The following RAG1 variants were observed in gnomAD, a reference collection of about 807,000 sequenced individuals.
RAG1 encodes recombination activating 1, also known as V(D)J recombination-activating protein 1.
A neutral mutation model predicts 62.7 loss-of-function variants in RAG1; 35 were observed. The ratio of observed to expected loss-of-function variants is 0.56; its 90% CI spans 0.43 to 0.74. The LOEUF is 0.74. Among genes scored for constraint, RAG1 ranks in the 30% least tolerant of loss-of-function variants. RAG1 has a pLI of 0.00. For synonymous variants in RAG1, 461 were observed against 470.3 expected (o/e 0.98, Z 0.26); for missense variants, 1,169 against 1,278.6 (o/e 0.91, Z 1.31).
intron 1 of RAG1, among the ~76,000 whole-genome samples, chr11:36,512,257 G>A (rs1859936619): frequency 6.6e-6 from 1 of 152,152 alleles, no homozygotes; most frequent in Admixed American, 6.5e-5. Flanking sequence ...TTGCAAGACT[G>A]TTTCCCCTGT....
In RAG1 at chr11:36,573,791, G is replaced by A; in HGVS notation, c.487G>A (p.Val163Met). Residue 163 changes from valine to methionine, a missense_variant, in exon 2 of 2, where the codon GTG becomes ATG. Transcript: ENST00000299440. The part of the protein sequence containing the change: ...DLIAKVFRID[V>M]KADVDSIHPT... Reference sequence around the variant, plus strand: ...CATTGCCAAGGTTTTCCGGATCGATGTGAAGGCAGATGTTGACTCGATCCA... The same window carrying A: ...CATTGCCAAGGTTTTCCGGATCGATATGAAGGCAGATGTTGACTCGATCCA... The A allele has an allele frequency of 6.2e-7, 1 of 1,614,116 alleles. No homozygotes were observed. The highest frequency in any genetic ancestry group is 8.5e-7 in the Non-Finnish European group (1 of 1,180,036).
At chr11:36,547,738 C>T (rs1249011295) in intron 3 of RAG1, among the ~76,000 whole-genome samples, 1 of 152,056 alleles carries the variant, frequency 6.6e-6, no homozygotes, top group Non-Finnish European at 1.5e-5. Flanking sequence ...CTATTCCAAA[C>T]AATAGAAAAA....
rs955168316 is a variant in RAG1 at position 36,576,001 on chromosome 11, A to G, written c.2697A>G (p.Ser899=). ...AGATGAAACCAGTATGGCGATCATCATGCCCTGCTAAAGAGTGCCCAGAAT... is the reference window on the plus strand; with the variant it reads ...AGATGAAACCAGTATGGCGATCATCGTGCCCTGCTAAAGAGTGCCCAGAAT... ...YLKMKPVWRS[S]CPAKECPESL... Residue 899 remains serine (S), a synonymous_variant, in exon 2 of 2, where the codon TCA becomes TCG. Transcript: ENST00000299440. 6.2e-7 allele frequency: 1 copy of G among 1,614,106 alleles called. No homozygotes were observed. The highest frequency in any genetic ancestry group is 1.3e-5 in the African/African-American group (1 of 74,940).
At chr11:36,539,225 A>C (rs1055374444), downstream of RAG1, among the ~76,000 whole-genome samples, 1 of 152,206 alleles carries the variant, frequency 6.6e-6, no homozygotes, top group Non-Finnish European at 1.5e-5. Flanking sequence ...GGATGCATGC[A>C]CAGAGGGCTA....
At chr11:36,518,417 C>T (rs1316924741) in intron 1 of RAG1, among the ~76,000 whole-genome samples, 6 of 152,234 alleles carry the variant, frequency 3.9e-5, no homozygotes, top group Non-Finnish European at 7.3e-5. Flanking sequence ...AATCGCCACA[C>T]TGACTTCCAC....
intron 1 of RAG1, among the ~76,000 whole-genome samples, chr11:36,513,015 C>T (rs1859947777): frequency 6.6e-6 from 1 of 152,204 alleles, no homozygotes; most frequent in African/African-American, 2.4e-5. Flanking sequence ...TGGAAGGACA[C>T]TCTTCATGAA....
Position 36,574,731 on chromosome 11 carries a change from A to G in RAG1, c.1427A>G (p.Asn476Ser). The G allele has an allele frequency of 6.2e-7, 1 of 1,614,216 alleles. No individual in the cohort carries two copies. The highest frequency in any genetic ancestry group is 8.5e-7 in the Non-Finnish European group (1 of 1,180,034). The part of the protein sequence containing the change: ...QPAVCLAIRV[N>S]TFLSCSQYHK... ...GCTGTTTGCTTGGCCATCCGTGTCA[A>G]CACCTTCCTCAGCTGCAGTCAGTAC... The change falls in exon 2 of 2, where the codon AAC becomes AGC. Residue 476 changes from asparagine (N) to serine (S), a missense_variant. Asn to Ser is a conservative substitution (Grantham distance 46, BLOSUM62 1). Transcript: ENST00000299440.
intron 1 of RAG1, 123 bp from the exon 2 acceptor site, chr11:36,573,168 T>A (rs1006241693): frequency 3.0e-6 from 3 of 1,003,232 alleles, no homozygotes; most frequent in Admixed American, 2.6e-5. Context: ...AGGTAGAAGA[T>A]TTAATACATA....
intron 2 of RAG1, among the ~76,000 whole-genome samples, chr11:36,524,379 T>A (rs1860126838): frequency 6.6e-6 from 1 of 151,626 alleles, no homozygotes; most frequent in Admixed American, 6.6e-5. Flanking sequence ...GCAAAGTAGT[T>A]ATTTAGAGTG....
intron 2 of RAG1, among the ~76,000 whole-genome samples, chr11:36,530,321 T>G (rs911551895): frequency 1.3e-5 from 2 of 151,986 alleles, no homozygotes; most frequent in African/African-American, 2.4e-5. Flanking sequence ...CTTTTCAATT[T>G]CATTGATTTC....
intron 2 of RAG1, among the ~76,000 whole-genome samples, chr11:36,532,992 T>C (rs1860277421): frequency 6.6e-6 from 1 of 152,186 alleles, no homozygotes. Context: ...GCTATTATAG[T>C]TGCAGAACAG....
At chr11:36,539,711 C>T (rs1167063013), downstream of RAG1, among the ~76,000 whole-genome samples, 2 of 152,312 alleles carry the variant, frequency 1.3e-5, no homozygotes, top group East Asian at 3.9e-4. Flanking sequence ...CTCCTAACCT[C>T]AGGTGATCTG....
chr11:36,543,744 T>C (rs6484865), intron 3 of RAG1, among the ~76,000 whole-genome samples: 149,044 of 152,350 alleles, frequency 0.98, 72,973 homozygotes, highest in Non-Finnish European at 1. Context: ...TTCAGAAGGC[T>C]TAGGTTAAGG....
At chr11:36,539,669 G>A (rs1248461505), downstream of RAG1, among the ~76,000 whole-genome samples, 1 of 152,080 alleles carries the variant, frequency 6.6e-6, no homozygotes, top group African/African-American at 2.4e-5. Flanking sequence ...GTAGAGACAG[G>A]GTTTCACTAC....
At chr11:36,527,365 G>C (rs747730706) in intron 2 of RAG1, among the ~76,000 whole-genome samples, 1 of 152,026 alleles carries the variant, frequency 6.6e-6, no homozygotes, top group Non-Finnish European at 1.5e-5. Flanking sequence ...GCTTGTTTTT[G>C]TCAGGTTTGT....
chr11:36,546,004 C>G (rs1397581657), intron 3 of RAG1, among the ~76,000 whole-genome samples: 1 of 152,158 alleles, frequency 6.6e-6, no homozygotes, highest in Non-Finnish European at 1.5e-5. Context: ...GACTGTTTTA[C>G]TACCAATTAT....
chr11:36,518,098 T>C (rs1338200988), intron 1 of RAG1, among the ~76,000 whole-genome samples: 1 of 151,458 alleles, frequency 6.6e-6, no homozygotes, highest in Admixed American at 6.6e-5. Flanking sequence ...GTTTGGTTTT[T>C]TTGTCCTTGC....
upstream of RAG1, among the ~76,000 whole-genome samples, chr11:36,564,433 G>C (rs942945024): frequency 6.6e-6 from 1 of 152,178 alleles, no homozygotes; most frequent in Admixed American, 6.5e-5. Flanking sequence ...GGGGAAGAGG[G>C]AAGAGAAGAG....
intron 1 of RAG1, among the ~76,000 whole-genome samples, chr11:36,518,078 A>T (rs1430235799): frequency 6.9e-6 from 1 of 145,346 alleles, no homozygotes; most frequent in African/African-American, 2.6e-5. Flanking sequence ...TATGAGTGAG[A>T]ACATACAGTG....
Sources: allele counts gnomAD v4.1 joint callset (sites outside exome capture counted in the v4.1 genomes callset), GRCh38; gene constraint gnomAD v4.1.1; transcripts MANE v1.5; gene names NCBI Gene and HGNC (gene_info 2026-07-23, HGNC 2026-07-21).